The following DOCK5 variants were observed in gnomAD, a reference collection of about 807,000 sequenced individuals.
The protein encoded by DOCK5 is dedicator of cytokinesis protein 5.
A neutral mutation model predicts 251.8 loss-of-function variants in DOCK5; 142 were observed. That is an observed-to-expected ratio of 0.56 (90% CI 0.49 to 0.65). The LOEUF (loss-of-function observed/expected upper bound fraction) is 0.65, where lower values mean the gene tolerates loss of function less well. DOCK5 is among the 30% of genes least tolerant of loss of function. DOCK5 has a pLI of 0.00. For missense variants in DOCK5, 2,111 were observed against 2,312.3 expected (o/e 0.91, Z 1.79); for synonymous variants, 842 against 835.5 (o/e 1.01, Z -0.13).
chr8:25,303,766 A>G (rs1447802330), intron 10 of DOCK5, among the ~76,000 whole-genome samples: 1 of 152,144 alleles, frequency 6.6e-6, no homozygotes, highest in Non-Finnish European at 1.5e-5. Context: ...GTTCAAGACC[A>G]GCCTGGCCAA....
chr8:25,272,251 A>G (rs1469239377), intron 3 of DOCK5, among the ~76,000 whole-genome samples: 1 of 151,866 alleles, frequency 6.6e-6, no homozygotes, highest in Non-Finnish European at 1.5e-5. Flanking sequence ...CTGGTCTTGA[A>G]CTTCTGGGCT....
chr8:25,185,266 TG>T (rs1006684232), intron 1 of DOCK5, among the ~76,000 whole-genome samples: 2 of 152,116 alleles, frequency 1.3e-5, no homozygotes, highest in African/African-American at 4.8e-5. Context: ...GCTGCTCTTT[TG>T]GGGCCGCAGC....
At chr8:25,384,463 A>ATT (rs201096966) in intron 40 of DOCK5, among the ~76,000 whole-genome samples, 45 of 135,704 alleles carry the variant, frequency 3.3e-4, no homozygotes, top group East Asian at 8.8e-4. Context: ...TTATTTATTT[A>ATT]TTTTTTTTTT....
Position 25,368,909 on chromosome 8 carries a change from G to A in DOCK5, c.3438+184G>A, listed in dbSNP as rs73674764. Among the ~76,000 whole-genome samples, 255 of 152,318 alleles carry A rather than the reference G, an allele frequency of 1.7e-3. 3 individuals are homozygous for A. Among genetic ancestry groups the A allele is most frequent in the African/African-American group, 5.7e-3 (239 of 41,572 alleles). On this transcript the variant is annotated intron_variant, in intron 33 of 51. Coordinates refer to ENST00000276440, the MANE Select transcript of DOCK5 (RefSeq NM_024940.8). Reference sequence around the variant, plus strand: ...GTCAGACAGTGCAACCCAGAGCCTGGAAAAGATTTTTTTGCTACATGTCTT... The same window carrying A: ...GTCAGACAGTGCAACCCAGAGCCTGAAAAAGATTTTTTTGCTACATGTCTT...
intron 3 of DOCK5, among the ~76,000 whole-genome samples, chr8:25,272,347 T>C (rs1344684653): frequency 2.0e-5 from 3 of 152,206 alleles, no homozygotes; most frequent in African/African-American, 7.2e-5. Flanking sequence ...TCTCCTAATA[T>C]GAAAATCATC....
chr8:25,299,128 C>G (rs766540893), intron 8 of DOCK5, 27 bp downstream of exon 8: 2 of 1,607,762 alleles, frequency 1.2e-6, no homozygotes. Context: ...TCCCCTGCTG[C>G]TGACCTAACA....
intron 3 of DOCK5, among the ~76,000 whole-genome samples, chr8:25,270,542 GA>G (rs1445346570): frequency 2.7e-5 from 4 of 150,338 alleles, no homozygotes; most frequent in African/African-American, 7.3e-5. Flanking sequence ...CCTTTTTTAA[GA>G]AAAAAAAAGT....
intron 5 of DOCK5, among the ~76,000 whole-genome samples, chr8:25,290,176 A>T (rs539943192): frequency 1.7e-4 from 26 of 152,310 alleles, no homozygotes; most frequent in African/African-American, 5.3e-4. Flanking sequence ...GTGGATGCTC[A>T]TTAACTTAAA....
intron 2 of DOCK5, among the ~76,000 whole-genome samples, chr8:25,267,578 T>G (rs994289743): frequency 6.6e-6 from 1 of 152,224 alleles, no homozygotes; most frequent in Non-Finnish European, 1.5e-5. Flanking sequence ...ATCTACTCAC[T>G]GTGTATATAT....
At chr8:25,312,393 C>T (rs1805123865) in intron 13 of DOCK5, among the ~76,000 whole-genome samples, 1 of 152,076 alleles carries the variant, frequency 6.6e-6, no homozygotes, top group South Asian at 2.1e-4. Context: ...TGTAAAAGAA[C>T]ATTTAGTTTT....
At chr8:25,217,650 G>A (rs1329408677) in intron 1 of DOCK5, among the ~76,000 whole-genome samples, 1 of 152,212 alleles carries the variant, frequency 6.6e-6, no homozygotes, top group African/African-American at 2.4e-5. Flanking sequence ...ATGTGTCAAA[G>A]TTGGTGGGAA....
At chr8:25,332,792 A>G (rs73216275) in intron 20 of DOCK5, 100 bp downstream of exon 20, 72,883 of 873,702 alleles carry the variant, frequency 0.083, 3,533 homozygotes, top group East Asian at 0.17. Context: ...TCTCACATAA[A>G]TATTTGTTTA....
chr8:25,186,349 CT>C (rs778162063), intron 1 of DOCK5, among the ~76,000 whole-genome samples: 10,107 of 124,734 alleles, frequency 0.081, 441 homozygotes, highest in African/African-American at 0.15. Flanking sequence ...CCTCAGGGCT[CT>C]TTTTTTTTTT....
intron 39 of DOCK5, among the ~76,000 whole-genome samples, chr8:25,381,851 C>T (rs1292475235): frequency 6.6e-6 from 1 of 152,070 alleles, no homozygotes; most frequent in African/African-American, 2.4e-5. Flanking sequence ...TGAGCCAAAG[C>T]TGGAAAGCCC....
chr8:25,318,741 T>G (rs1398995766), intron 14 of DOCK5, among the ~76,000 whole-genome samples: 1 of 151,916 alleles, frequency 6.6e-6, no homozygotes, highest in Non-Finnish European at 1.5e-5. Context: ...TCTGCTGAAC[T>G]CCACCTCTTC....
intron 2 of DOCK5, among the ~76,000 whole-genome samples, chr8:25,262,517 G>A (rs1339911987): frequency 6.6e-6 from 1 of 151,786 alleles, no homozygotes; most frequent in Non-Finnish European, 1.5e-5. Context: ...GGCCTACCAG[G>A]GTTTATCAGC....
At chr8:25,220,725 G>A (rs1026219902) in intron 1 of DOCK5, among the ~76,000 whole-genome samples, 2 of 152,120 alleles carry the variant, frequency 1.3e-5, no homozygotes, top group Admixed American at 1.3e-4. Flanking sequence ...TGATGCTCCT[G>A]CCTCAGACTC....
In DOCK5 at chr8:25,387,152, G is replaced by A. The variant is rs535302927; in HGVS notation, c.4132-1939G>A. On this transcript the variant is annotated intron_variant, in intron 40 of 51. Coordinates refer to ENST00000276440, the MANE Select transcript of DOCK5 (RefSeq NM_024940.8). ...CATTATCTCTTTTGTTTCTGTCAGG[G>A]GTACCACTGTTCTTCCTACTCCAAG... 2.6e-5 allele frequency among the ~76,000 whole-genome samples: 4 copies of A among 151,406 alleles called. No individual in the cohort carries two copies. In the South Asian group the frequency reaches 8.4e-4, roughly 32 times the overall value.
At chr8:25,238,111 C>T (rs545922428) in intron 1 of DOCK5, among the ~76,000 whole-genome samples, 59 of 152,290 alleles carry the variant, frequency 3.9e-4, no homozygotes, top group South Asian at 2.9e-3. Context: ...GATCACCAGT[C>T]ACTGATGTGT....
Sources: allele counts gnomAD v4.1 joint callset (sites outside exome capture counted in the v4.1 genomes callset), GRCh38; gene constraint gnomAD v4.1.1; transcripts MANE v1.5; gene names NCBI Gene and HGNC (gene_info 2026-07-23, HGNC 2026-07-21).